Variants in ASNSD1 observed in about 807,000 individuals in gnomAD.
The protein encoded by ASNSD1 is asparagine synthetase domain containing 1.
ASNSD1 carries 36 observed loss-of-function variants against 48.3 expected under a neutral mutation model. The observed-to-expected ratio is 0.75, with a 90% CI of 0.57 to 0.99. The LOEUF is 0.99. Ranked by LOEUF, ASNSD1 falls within the 50% of genes least tolerant of loss-of-function variation. The probability of loss-of-function intolerance (pLI) is 0.00; values close to 1 mark genes in which losing one functional copy is unlikely to be tolerated. For missense variants in ASNSD1, 714 were observed against 758.2 expected (o/e 0.94, Z 0.69); for synonymous variants, 257 against 262.1 (o/e 0.98, Z 0.19).
In ASNSD1 at chr2:189,667,361, G is replaced by T. The variant is rs2032832676; in HGVS notation, c.1229G>T (p.Arg410Met). The part of the protein sequence containing the change: ...HVSVPDRITG[R>M]AGLKELQAVS... ...AGTGTACCAGATCGAATCACAGGAA[G>T]GGCGGGACTAAAGGAACTACAAGCT... is the stretch of plus-strand genomic sequence containing the variant. The change falls in exon 4 of 6, where the codon AGG becomes ATG. Residue 410 changes from arginine (R) to methionine (M), a missense_variant. By Grantham distance (91) the Arg-to-Met change is moderately conservative. Coordinates refer to ENST00000260952, the MANE Select transcript of ASNSD1 (RefSeq NM_019048.4). 9.3e-6 allele frequency: 15 copies of T among 1,614,050 alleles called. No homozygotes were observed. The highest frequency in any genetic ancestry group is 1.3e-5 in the Non-Finnish European group (15 of 1,180,034).
In ASNSD1 at chr2:189,667,272, A is replaced by C; in HGVS notation, c.1140A>C (p.Ile380=). The C allele has an allele frequency of 6.2e-7, 1 of 1,614,134 alleles. No individual in the cohort carries two copies. The highest frequency in any genetic ancestry group is 1.1e-5 in the South Asian group (1 of 91,076). The part of the protein sequence containing the change: ...EGNKQKNKCE[I]PSEEFSKDVA... ...ATAAACAGAAAAATAAATGTGAAATACCTTCAGAAGAATTCTCTAAAGATG... is the reference window on the plus strand; with the variant it reads ...ATAAACAGAAAAATAAATGTGAAATCCCTTCAGAAGAATTCTCTAAAGATG... The change falls in exon 4 of 6, where the codon ATA becomes ATC. Residue 380 remains isoleucine (I), a synonymous_variant. Transcript: ENST00000260952.
chr2:189,663,957 G>T lies in ASNSD1; in HGVS notation c.-169+3G>T. ...TTTCTAACCTTAAGAAGAATAGGGT[G>T]AGTTATTATAGGAATTCTGAATAAT... On this transcript the variant is annotated splice_donor_region_variant and intron_variant, in intron 2 of 5. Coordinates refer to ENST00000260952, the MANE Select transcript of ASNSD1 (RefSeq NM_019048.4). 2.6e-6 allele frequency: 1 copy of T among 387,908 alleles called. No homozygotes were observed. Among genetic ancestry groups the T allele is most frequent in the South Asian group, 1.3e-4 (1 of 7,700 alleles). The allele number at this position is 387,908 out of a possible 1,614,324, so 24.0% of individuals were successfully genotyped here.
In ASNSD1 at chr2:189,667,578, C is replaced by G. The variant is rs145709317; in HGVS notation, c.1446C>G (p.Ser482=). 6.2e-7 allele frequency: 1 copy of G among 1,608,864 alleles called. No homozygotes were observed. Among genetic ancestry groups the G allele is most frequent in the South Asian group, 1.1e-5 (1 of 90,314 alleles). Residue 482 remains serine, a synonymous_variant, in exon 4 of 6, where the codon TCC becomes TCG. Transcript: ENST00000260952. ...GWLVAQEGVK[S]YQSNAKVVLT... is the part of the protein sequence containing the mutation. ...TAGTGGCCCAGGAAGGAGTGAAATC[C>G]TATCAGAGCAATGCAAAGGTATGAC...
rs1417835741 is a variant in ASNSD1 at position 189,667,494 on chromosome 2, A to G, written c.1362A>G (p.Thr454=). The G allele has an allele frequency of 1.9e-6, 3 of 1,614,080 alleles. No homozygotes were observed. Among genetic ancestry groups the G allele is most frequent in the Non-Finnish European group, 2.5e-6 (3 of 1,180,044 alleles). Residue 454 remains threonine (T), a synonymous_variant, in exon 4 of 6, where the codon ACA becomes ACG. Transcript: ENST00000260952. ...GTCACTTAATTCGGCCATTGGATAC[A>G]GTTTTGGATGATAGCATTGGCTGTG... The part of the protein sequence containing the change: ...RICHLIRPLD[T]VLDDSIGCAV...
chr2:189,666,453 G>A lies in ASNSD1; in HGVS notation c.321G>A (p.Glu107=). 6.2e-7 allele frequency: 1 copy of A among 1,613,770 alleles called. No individual in the cohort carries two copies. ...TTTCCTCCTGTAAGAATGAATCTGA[G>A]ATTTTGTCACTCTTCTCAGAAGTAC... ...NYLSSCKNES[E]ILSLFSEVQG... Residue 107 remains glutamate (E), a synonymous_variant, in exon 4 of 6, where the codon GAG becomes GAA. Coordinates refer to ENST00000260952, the MANE Select transcript of ASNSD1 (RefSeq NM_019048.4).
intron 3 of ASNSD1, 109 bp downstream of exon 3, chr2:189,665,560 A>C: frequency 3.5e-6 from 1 of 285,624 alleles, no homozygotes; most frequent in Non-Finnish European, 6.2e-6. Context: ...TCTTCAAATT[A>C]GGCTTCCGAA....
intron 1 of ASNSD1, among the ~76,000 whole-genome samples, chr2:189,662,890 A>G (rs942810025): frequency 6.8e-6 from 1 of 147,482 alleles, no homozygotes; most frequent in Admixed American, 6.9e-5. Context: ...TCAAAGCTGC[A>G]GTGAGCCGTG....
At chr2:189,668,970 T>A (rs1397748585) in intron 5 of ASNSD1, among the ~76,000 whole-genome samples, 4 of 152,218 alleles carry the variant, frequency 2.6e-5, no homozygotes, top group African/African-American at 9.6e-5. Context: ...GCTAATTGAT[T>A]AAGTGGTAGT....
intron 5 of ASNSD1, 100 bp downstream of exon 5, chr2:189,668,045 A>T (rs746434175): frequency 8.7e-7 from 1 of 1,146,678 alleles, no homozygotes; most frequent in Non-Finnish European, 1.2e-6. Context: ...GACTGTTCAC[A>T]TGAATAAGAG....
chr2:189,661,512 T>C lies in ASNSD1; in HGVS notation c.-321T>C. 1 of 399,192 alleles carries C rather than the reference T, an allele frequency of 2.5e-6. No homozygotes were observed. Among genetic ancestry groups the C allele is most frequent in the East Asian group, 3.6e-5 (1 of 28,074 alleles). 24.7% of individuals were successfully genotyped at this position (399,192 alleles called of 1,614,324 possible). ...CTGAGCCATCCCGCGTGTCTTGCGC[T>C]CGGTGGAAATGCCCAGCCGAGGGAC... is the stretch of plus-strand genomic sequence containing the variant. On this transcript the variant is annotated 5_prime_UTR_variant, in exon 1 of 6. Coordinates refer to ENST00000260952, the MANE Select transcript of ASNSD1 (RefSeq NM_019048.4).
At chr2:189,668,359 A>G (rs1046451640) in intron 5 of ASNSD1, among the ~76,000 whole-genome samples, 31 of 146,530 alleles carry the variant, frequency 2.1e-4, no homozygotes, top group Admixed American at 2.7e-4. Flanking sequence ...TACTAAAAAT[A>G]CAAAAAAATT....
chr2:189,666,930 A>C lies in ASNSD1; in HGVS notation c.798A>C (p.Thr266=), dbSNP rs2032819866. Residue 266 remains threonine (T), a synonymous_variant, in exon 4 of 6, where the codon ACA becomes ACC. Transcript: ENST00000260952. ...HCSNISNVPP[T]REILQVFLTD... ...GTAATATTTCCAATGTGCCACCTAC[A>C]AGAGAGATACTTCAAGTCTTTCTTA... The C allele has an allele frequency of 6.2e-7, 1 of 1,614,034 alleles. No individual in the cohort carries two copies. The highest frequency in any genetic ancestry group is 8.5e-7 in the Non-Finnish European group (1 of 1,180,024).
At chr2:189,668,073 C>A in intron 5 of ASNSD1, 128 bp downstream of exon 5, 1 of 873,150 alleles carries the variant, frequency 1.1e-6, no homozygotes, top group Non-Finnish European at 1.7e-6. Context: ...AATAGCTTGG[C>A]TTTGTATTAT....
At chr2:189,662,842 G>A (rs1309990930) in intron 1 of ASNSD1, among the ~76,000 whole-genome samples, 1 of 151,818 alleles carries the variant, frequency 6.6e-6, no homozygotes, top group African/African-American at 2.4e-5. Context: ...CCAGCTACTC[G>A]GAGGCTAAGG....
chr2:189,667,261 A>G lies in ASNSD1; in HGVS notation c.1129A>G (p.Lys377Glu). The G allele has an allele frequency of 6.2e-7, 1 of 1,614,146 alleles. No individual in the cohort carries two copies. Among genetic ancestry groups the G allele is most frequent in the Non-Finnish European group, 8.5e-7 (1 of 1,180,028 alleles). ...FNREGNKQKN[K>E]CEIPSEEFSK... Reference sequence around the variant, plus strand: ...CAGAGAAGGGAATAAACAGAAAAATAAATGTGAAATACCTTCAGAAGAATT... The same window carrying G: ...CAGAGAAGGGAATAAACAGAAAAATGAATGTGAAATACCTTCAGAAGAATT... The change falls in exon 4 of 6, where the codon AAA (lysine) becomes GAA (glutamate). Residue 377 changes from lysine to glutamate, a missense_variant. Coordinates refer to ENST00000260952, the MANE Select transcript of ASNSD1 (RefSeq NM_019048.4).
chr2:189,665,626 A>ATGTATATATG (rs2032780754), intron 3 of ASNSD1, among the ~76,000 whole-genome samples, 175 bp downstream of exon 3: 3 of 122,458 alleles, frequency 2.4e-5, no homozygotes, highest in African/African-American at 9.8e-5. Flanking sequence ...ATATATATAT[A>ATGTATATATG]TATATATATA....
rs1053258566 is a variant in ASNSD1 at position 189,664,525 on chromosome 2, T to C, written c.-169+571T>C. On this transcript the variant is annotated intron_variant, in intron 2 of 5. Coordinates refer to ENST00000260952, the MANE Select transcript of ASNSD1 (RefSeq NM_019048.4). ...TGAGTTTGAGCTCTTAAAAGCTTTGTAAAGATTATGTAATAACTGGCTGGT... is the reference window on the plus strand; with the variant it reads ...TGAGTTTGAGCTCTTAAAAGCTTTGCAAAGATTATGTAATAACTGGCTGGT... Among the ~76,000 whole-genome samples the C allele has an allele frequency of 7.9e-5, 12 of 152,366 alleles. 1 individual carries two copies. The highest frequency in any genetic ancestry group is 5.9e-4 in the Admixed American group (9 of 15,308).
In ASNSD1 at chr2:189,667,239, A is replaced by G. The variant is rs1183685168; in HGVS notation, c.1107A>G (p.Arg369=). The change falls in exon 4 of 6, where the codon AGA becomes AGG. Residue 369 remains arginine (R), a synonymous_variant. Transcript: ENST00000260952. The stretch of plus-strand genomic sequence containing the variant: ...AGACCATGCCAACTACCTTTAACAG[A>G]GAAGGGAATAAACAGAAAAATAAAT... The part of the protein sequence containing the change: ...EEKTMPTTFN[R]EGNKQKNKCE... 1.2e-6 allele frequency: 2 copies of G among 1,614,088 alleles called. No homozygotes were observed. The highest frequency in any genetic ancestry group is 1.7e-6 in the Non-Finnish European group (2 of 1,180,014).
rs776242146 is a variant in ASNSD1 at position 189,670,422 on chromosome 2, T to C, written c.1647-19T>C. 2.5e-6 allele frequency: 4 copies of C among 1,580,458 alleles called. No homozygotes were observed. Among genetic ancestry groups the C allele is most frequent in the East Asian group, 2.2e-5 (1 of 44,574 alleles). ...TGATTTTATTTTTACATAGTGGTTA[T>C]ATTATCTGTCTATTTTAGATTTCCT... is the stretch of plus-strand genomic sequence containing the variant. On this transcript the variant is annotated intron_variant, in intron 5 of 5. Coordinates refer to ENST00000260952, the MANE Select transcript of ASNSD1 (RefSeq NM_019048.4).
Sources: allele counts gnomAD v4.1 joint callset (sites outside exome capture counted in the v4.1 genomes callset), GRCh38; gene constraint gnomAD v4.1.1; transcripts MANE v1.5; gene names NCBI Gene and HGNC (gene_info 2026-07-23, HGNC 2026-07-21).